SESTD1: variants seen among roughly 807,000 people sequenced by gnomAD.
SESTD1 encodes SEC14 and spectrin domain containing 1.
A neutral mutation model predicts 101.7 loss-of-function variants in SESTD1; 43 were observed. The observed-to-expected ratio is 0.42, with a 90% confidence interval of 0.33 to 0.55. SESTD1 has a LOEUF of 0.55. Among genes scored for constraint, SESTD1 ranks in the 20% least tolerant of loss-of-function variants. The pLI, the probability that SESTD1 is intolerant of heterozygous loss-of-function variation, is 0.07. For synonymous variants in SESTD1, 283 were observed against 286.8 expected (o/e 0.99, Z 0.13); for missense variants, 647 against 815.1 (o/e 0.79, Z 2.51).
rs145900015 is a variant in SESTD1, at chr2:179,208,612, C to A, written c.-25-16746G>T. On this transcript the variant is annotated intron_variant, in intron 1 of 17. Transcript: ENST00000428443. ...TAATTATCAGCCAATAATTCTGTAT[C>A]CAGCAAAACTAAGCTTCATAAATGA... 7.8e-3 allele frequency among the ~76,000 whole-genome samples: 1,050 copies of A among 134,888 alleles called. 264 individuals are homozygous for A. Among genetic ancestry groups the A allele is most frequent in the African/African-American group, 0.029 (997 of 34,246 alleles). 88.5% of individuals were successfully genotyped at this position (134,888 alleles called of 152,430 possible).
In SESTD1 at chr2:179,211,056, A is replaced by G. The variant is rs536409313; in HGVS notation, c.-25-19190T>C. ...AAGCTGAGAATCAAATCAAGAACTC[A>G]GACCCTTTTAACAACAGCTGCAAAA... On this transcript the variant is annotated intron_variant, in intron 1 of 17. Transcript: ENST00000428443. Among the ~76,000 whole-genome samples, 24 of 132,452 alleles carry G rather than the reference A, an allele frequency of 1.8e-4. 5 individuals are homozygous for G. The highest frequency in any genetic ancestry group is 3.7e-4 in the Admixed American group (5 of 13,584). 86.9% of individuals were successfully genotyped at this position (132,452 alleles called of 152,430 possible).
Position 179,102,169 on chromosome 2 carries a change from T to C in SESTD1, c.*7730A>G, listed in dbSNP as rs890436960. 22 of 152,094 alleles carry C rather than the reference T, an allele frequency of 1.4e-4. No homozygotes were observed. The highest frequency in any genetic ancestry group is 1.0e-3 in the Admixed American group (16 of 15,252). 9.4% of individuals were successfully genotyped at this position (152,094 alleles called of 1,614,324 possible). ...AACCTATTTCTGACAACATGAGACG[T>C]AGAGAAAGCACTGAACTTCTGTGCC... On this transcript the variant is annotated 3_prime_UTR_variant, in exon 18 of 18. Coordinates refer to ENST00000428443, the MANE Select transcript of SESTD1 (RefSeq NM_178123.5).
chr2:179,142,323 T>C lies in SESTD1; in HGVS notation c.849+1269A>G, dbSNP rs566106063. On this transcript the variant is annotated intron_variant, in intron 9 of 17. Transcript: ENST00000428443. ...GAGTCTAGTTCAAAAGAAATACATATAATAACTACCACTGATTGAGAGCTG... is the reference window on the plus strand; with the variant it reads ...GAGTCTAGTTCAAAAGAAATACATACAATAACTACCACTGATTGAGAGCTG... 3.9e-5 allele frequency among the ~76,000 whole-genome samples: 6 copies of C among 152,306 alleles called. No homozygotes were observed. The South Asian group carries it at 8.3e-4, about 21-fold the overall frequency.
intron 1 of SESTD1, among the ~76,000 whole-genome samples, chr2:179,243,348 G>C (rs1345563761): frequency 6.6e-6 from 1 of 152,214 alleles, no homozygotes; most frequent in Non-Finnish European, 1.5e-5. Flanking sequence ...AAGCAGTTTG[G>C]AGATTTCTCA....
chr2:179,257,484 A>G (rs887548896), intron 1 of SESTD1, among the ~76,000 whole-genome samples: 3 of 152,272 alleles, frequency 2.0e-5, no homozygotes, highest in Non-Finnish European at 2.9e-5. Context: ...ATGCACTGAG[A>G]AACAGAAAAT....
At chr2:179,162,588 CT>C (rs34429207) in intron 5 of SESTD1, 3 of 110,198 alleles carry the variant, frequency 2.7e-5, no homozygotes, top group African/African-American at 1.8e-4. Flanking sequence ...ACTGAGTGTT[CT>C]TTCATGCAGT....
At chr2:179,132,201 C>T in intron 10 of SESTD1, 103 bp downstream of exon 10, 1 of 1,337,576 alleles carries the variant, frequency 7.5e-7, no homozygotes, top group Non-Finnish European at 9.8e-7. Context: ...TACTTCATGC[C>T]CCATACCAAA....
At chr2:179,172,003 C>T in intron 5 of SESTD1, 117 bp downstream of exon 5, 1 of 538,622 alleles carries the variant, frequency 1.9e-6, no homozygotes, top group Non-Finnish European at 3.3e-6. Context: ...TACTTAGGCA[C>T]TAATTAAGCA....
In SESTD1 at chr2:179,115,040, T is replaced by A. The variant is rs150103636; in HGVS notation, c.1839+25A>T. The stretch of plus-strand genomic sequence containing the variant: ...CACATATAATCAATACCACTGAGAA[T>A]AACATTTCAAAAACACAAGCAAACC... On this transcript the variant is annotated intron_variant, in intron 16 of 17. Transcript: ENST00000428443. The A allele has an allele frequency of 4.5e-4, 714 of 1,599,442 alleles. 3 individuals are homozygous for A. The African/African-American group carries it at 8.2e-3, about 18-fold the overall frequency.
chr2:179,248,409 C>T (rs1553533547), intron 1 of SESTD1, among the ~76,000 whole-genome samples: 2 of 152,102 alleles, frequency 1.3e-5, no homozygotes, highest in Non-Finnish European at 2.9e-5. Context: ...CTTTCCATTT[C>T]ATTTTAAGTT....
intron 3 of SESTD1, among the ~76,000 whole-genome samples, chr2:179,177,542 C>T (rs148374871): frequency 2.6e-5 from 4 of 152,126 alleles, no homozygotes; most frequent in African/African-American, 7.2e-5. Flanking sequence ...CAAGCATGCA[C>T]GCTAGTTCCA....
At chr2:179,158,685 C>A (rs765873718) in intron 5 of SESTD1, among the ~76,000 whole-genome samples, 1 of 152,120 alleles carries the variant, frequency 6.6e-6, no homozygotes, top group Non-Finnish European at 1.5e-5. Context: ...GGGAAGGACA[C>A]AATTATGGAG....
intron 1 of SESTD1, among the ~76,000 whole-genome samples, chr2:179,230,698 G>T (rs2046974815): frequency 6.6e-6 from 1 of 151,672 alleles, no homozygotes; most frequent in Non-Finnish European, 1.5e-5. Flanking sequence ...AACAGAGAAG[G>T]TATAATTATA....
intron 1 of SESTD1, among the ~76,000 whole-genome samples, chr2:179,250,677 G>A (rs550224740): frequency 3.5e-5 from 5 of 143,856 alleles, no homozygotes; most frequent in African/African-American, 1.4e-4. Context: ...CCACTCTAAA[G>A]ACCCAATTTC....
intron 1 of SESTD1, among the ~76,000 whole-genome samples, chr2:179,260,618 G>A (rs1350366079): frequency 6.6e-6 from 1 of 152,196 alleles, no homozygotes; most frequent in Non-Finnish European, 1.5e-5. Flanking sequence ...ATTTTAAACT[G>A]TTCCAGAGCA....
chr2:179,261,865 C>T (rs746867406), intron 1 of SESTD1, among the ~76,000 whole-genome samples: 1 of 152,150 alleles, frequency 6.6e-6, no homozygotes, highest in Non-Finnish European at 1.5e-5. Flanking sequence ...AATTACACAT[C>T]TAGGTATACA....
intron 9 of SESTD1, 141 bp from the exon 10 acceptor site, chr2:179,132,567 GT>G: frequency 1.1e-6 from 1 of 925,070 alleles, no homozygotes; most frequent in Non-Finnish European, 1.5e-6. Flanking sequence ...GGCAGTAAAT[GT>G]TTCTTTTGGA....
At chr2:179,257,840 C>A (rs913914958) in intron 1 of SESTD1, among the ~76,000 whole-genome samples, 3 of 152,128 alleles carry the variant, frequency 2.0e-5, no homozygotes, top group African/African-American at 7.2e-5. Context: ...AGAAGGGGAG[C>A]TACCTTGGTA....
At chr2:179,170,210 C>CAA (rs538707127) in intron 5 of SESTD1, among the ~76,000 whole-genome samples, 14 of 91,302 alleles carry the variant, frequency 1.5e-4, no homozygotes, top group South Asian at 3.4e-4. Context: ...AATCAGAAAG[C>CAA]AAAAAAAAAA....
Sources: allele counts gnomAD v4.1 joint callset (sites outside exome capture counted in the v4.1 genomes callset), GRCh38; gene constraint gnomAD v4.1.1; transcripts MANE v1.5; gene names NCBI Gene and HGNC (gene_info 2026-07-23, HGNC 2026-07-21).